AHCTF1: variants seen among roughly 807,000 people sequenced by gnomAD.
AHCTF1 encodes protein ELYS.
In AHCTF1, 24 loss-of-function variants were observed where a neutral mutation model predicts 248.4. That is an observed-to-expected ratio of 0.10 (90% CI 0.07 to 0.14). The LOEUF (loss-of-function observed/expected upper bound fraction) is 0.14. Among genes scored for constraint, AHCTF1 ranks in the 10% least tolerant of loss-of-function variants. AHCTF1 has a pLI of 1.00. For synonymous variants in AHCTF1, 786 were observed against 929.8 expected, an observed-to-expected ratio of 0.85 and a Z score of 2.81; for missense variants, 2,206 against 2,636.2, an observed-to-expected ratio of 0.84 and a Z score of 3.57.
intron 33 of AHCTF1, among the ~76,000 whole-genome samples, chr1:246,848,444 A>G (rs1431034814): frequency 6.6e-6 from 1 of 151,030 alleles, no homozygotes; most frequent in Non-Finnish European, 1.5e-5. Context: ...CTCGTGATCC[A>G]CCCGCCTTGG....
At chr1:246,877,769 T>C (rs1233207541) in intron 21 of AHCTF1, among the ~76,000 whole-genome samples, 3 of 152,210 alleles carry the variant, frequency 2.0e-5, no homozygotes, top group Admixed American at 6.5e-5. Context: ...CAAGATCAGA[T>C]TGGAGAACCT....
chr1:246,858,814 A>AT (rs1661302568), intron 29 of AHCTF1, among the ~76,000 whole-genome samples: 1 of 151,900 alleles, frequency 6.6e-6, no homozygotes, highest in Admixed American at 6.6e-5. Flanking sequence ...AAAAAAAAAA[A>AT]TAAATACAAA....
chr1:246,845,612 A>G (rs1289902431), intron 33 of AHCTF1, among the ~76,000 whole-genome samples: 1 of 152,234 alleles, frequency 6.6e-6, no homozygotes, highest in East Asian at 1.9e-4. Flanking sequence ...CATTTCAAAT[A>G]TATAAGGAAA....
Position 246,909,571 on chromosome 1 carries a change from G to C in AHCTF1, c.557-1813C>G, listed in dbSNP as rs1188660585. Among the ~76,000 whole-genome samples the C allele has an allele frequency of 2.0e-5, 3 of 152,154 alleles. 1 individual carries two copies. Among genetic ancestry groups the C allele is most frequent in the Non-Finnish European group, 4.4e-5 (3 of 68,034 alleles). On this transcript the variant is annotated intron_variant, in intron 4 of 35. Transcript: ENST00000648844. ...CAACTGTCGCAGTATTGCAGTGCTT[G>C]TGTTCAAGTAACCCTTATTTGACTT...
intron 23 of AHCTF1, among the ~76,000 whole-genome samples, 185 bp downstream of exon 23, chr1:246,876,765 G>A (rs1168723028): frequency 6.6e-6 from 1 of 152,234 alleles, no homozygotes; most frequent in Admixed American, 6.5e-5. Flanking sequence ...AATGGCATAC[G>A]TAAAAGAATT....
intron 31 of AHCTF1, among the ~76,000 whole-genome samples, chr1:246,854,469 C>T (rs925548989): frequency 6.6e-6 from 1 of 151,180 alleles, no homozygotes; most frequent in Non-Finnish European, 1.5e-5. Flanking sequence ...CAGCAATAAG[C>T]AATTAGTTAA....
chr1:246,892,800 T>TA (rs963064405), intron 14 of AHCTF1, among the ~76,000 whole-genome samples: 7 of 114,602 alleles, frequency 6.1e-5, no homozygotes, highest in Non-Finnish European at 1.0e-4. Context: ...CCCAGCTAAT[T>TA]AAAAAAAAGA....
rs565870384 is a variant in AHCTF1, at chr1:246,880,212, A to G, written c.2661-2910T>C. 7.3e-5 allele frequency among the ~76,000 whole-genome samples: 11 copies of G among 151,116 alleles called. No individual in the cohort carries two copies. In the South Asian group the frequency reaches 1.7e-3, roughly 23 times the overall value. On this transcript the variant is annotated intron_variant, in intron 21 of 35. Transcript: ENST00000648844. ...TGTAAATAGCTTATTATCAAAAACA[A>G]TATGTTATTTGTTATATATATATAT...
rs75524158 is a variant in AHCTF1 at position 246,881,850 on chromosome 1, C to T, written c.2660+3643G>A. On this transcript the variant is annotated intron_variant, in intron 21 of 35. Transcript: ENST00000648844. Reference sequence around the variant, plus strand: ...AAGGCTCCGTCTCAAAAAAAAAAACCAAAAAAAAAAACAAAAAAAAAAGAA... The same window carrying T: ...AAGGCTCCGTCTCAAAAAAAAAAACTAAAAAAAAAAACAAAAAAAAAAGAA... Among the ~76,000 whole-genome samples the T allele has an allele frequency of 5.5e-5, 7 of 126,862 alleles. 1 individual carries two copies. Among genetic ancestry groups the T allele is most frequent in the Admixed American group, 4.8e-4 (6 of 12,602 alleles). The allele number at this position is 126,862 out of a possible 152,430, so 83.2% of individuals were successfully genotyped here. A position where few individuals can be genotyped will look rare whatever the true frequency, so the allele number is the denominator to read the frequency against.
chr1:246,907,461 C>T, intron 5 of AHCTF1, 90 bp downstream of exon 5: 1 of 1,165,370 alleles, frequency 8.6e-7, no homozygotes. Context: ...CCTTTTCTCA[C>T]TATGCTAACT....
At chr1:246,930,890 T>A (rs1329386156) in intron 1 of AHCTF1, among the ~76,000 whole-genome samples, 1 of 152,192 alleles carries the variant, frequency 6.6e-6, no homozygotes, top group Admixed American at 6.5e-5. Flanking sequence ...TGCACACAGA[T>A]AGTATGAACC....
intron 3 of AHCTF1, among the ~76,000 whole-genome samples, chr1:246,914,957 T>C (rs1026150930): frequency 1.1e-4 from 16 of 152,238 alleles, no homozygotes; most frequent in South Asian, 2.1e-4. Context: ...TGAATGGCAA[T>C]AGTCTACTTG....
intron 6 of AHCTF1, among the ~76,000 whole-genome samples, chr1:246,904,590 G>C (rs1337037751): frequency 6.6e-6 from 1 of 152,156 alleles, no homozygotes; most frequent in African/African-American, 2.4e-5. Flanking sequence ...GGGCAGTTGG[G>C]GGAAGGGTGG....
chr1:246,854,854 G>A (rs1660994429), intron 31 of AHCTF1, among the ~76,000 whole-genome samples: 2 of 152,204 alleles, frequency 1.3e-5, no homozygotes, highest in South Asian at 4.1e-4. Flanking sequence ...TTCAGGCACC[G>A]TCTTGTCTCC....
In AHCTF1 at chr1:246,889,957, T is replaced by G. The variant is rs1664105363; in HGVS notation, c.2144+9A>C. ...TACAGATGTAATTTCTAAAATTGTT[T>G]TACTATACCTTGATAAACGCTCAAA... On this transcript the variant is annotated intron_variant, in intron 17 of 35. Coordinates refer to ENST00000648844, the MANE Select transcript of AHCTF1 (RefSeq NM_001323342.2). 2 of 1,599,726 alleles carry G rather than the reference T, an allele frequency of 1.3e-6. No individual in the cohort carries two copies. The highest frequency in any genetic ancestry group is 1.1e-5 in the South Asian group (1 of 88,866).
intron 29 of AHCTF1, among the ~76,000 whole-genome samples, chr1:246,858,689 G>C (rs548149121): frequency 6.6e-6 from 1 of 151,944 alleles, no homozygotes; most frequent in African/African-American, 2.4e-5. Context: ...GCTGGGCATG[G>C]TGGCACGTGC....
At chr1:246,918,005 TAA>T (rs1237482991) in intron 2 of AHCTF1, among the ~76,000 whole-genome samples, 1 of 152,066 alleles carries the variant, frequency 6.6e-6, no homozygotes, top group Non-Finnish European at 1.5e-5. Flanking sequence ...TAGATAATAC[TAA>T]GATACAAAAC....
intron 1 of AHCTF1, among the ~76,000 whole-genome samples, chr1:246,920,824 G>A (rs151336952): frequency 2.6e-4 from 40 of 151,544 alleles, no homozygotes; most frequent in African/African-American, 8.3e-4. Flanking sequence ...GGTGCCTCAC[G>A]CCTATAATCC....
chr1:246,913,326 T>C lies in AHCTF1; in HGVS notation c.462A>G (p.Gly154=). ...HLHPSLRWLF[G]VAAVVTDVGQ... is the part of the protein sequence containing the mutation. ...CAACATCAGTGACCACAGCTGCCAC[T>C]CCAAAAAGCCATCGCAGACTTGGAT... is the stretch of plus-strand genomic sequence containing the variant. Residue 154 remains glycine (G), a synonymous_variant, in exon 4 of 36, where the codon GGA becomes GGG. Transcript: ENST00000648844. 1.2e-6 allele frequency: 2 copies of C among 1,614,016 alleles called. No individual in the cohort carries two copies. The highest frequency in any genetic ancestry group is 1.3e-5 in the African/African-American group (1 of 75,052).
Sources: allele counts gnomAD v4.1 joint callset (sites outside exome capture counted in the v4.1 genomes callset), GRCh38; gene constraint gnomAD v4.1.1; transcripts MANE v1.5; gene names NCBI Gene and HGNC (gene_info 2026-07-23, HGNC 2026-07-21).